SLC24A2: variants seen among roughly 807,000 people sequenced by gnomAD.
SLC24A2 encodes solute carrier family 24 member 2, also known as sodium/potassium/calcium exchanger 2.
SLC24A2 carries 36 observed loss-of-function variants against 62.0 expected under a neutral mutation model. The observed-to-expected ratio is 0.58, with a 90% confidence interval of 0.44 to 0.77. The LOEUF (loss-of-function observed/expected upper bound fraction) is 0.77, where lower values mean the gene tolerates loss of function less well. Ranked by LOEUF, SLC24A2 falls within the 30% of genes least tolerant of loss-of-function variation. The probability of loss-of-function intolerance (pLI) is 0.00; values close to 1 mark genes in which losing one functional copy is unlikely to be tolerated. For synonymous variants in SLC24A2, 358 were observed against 294.0 expected (o/e 1.22, Z -2.23); for missense variants, 846 against 817.9 (o/e 1.03, Z -0.42).
At chr9:20,076,828 T>C in the SLC24A2 span, among the ~76,000 whole-genome samples, 1 of 141,078 alleles carries the variant, frequency 7.1e-6, no homozygotes, top group Non-Finnish European at 1.5e-5. Context: ...GGCACACTGA[T>C]AAGAAAATGT....
At chr9:20,039,071 G>A in the SLC24A2 span, among the ~76,000 whole-genome samples, 4 of 152,162 alleles carry the variant, frequency 2.6e-5, no homozygotes, top group Non-Finnish European at 5.9e-5. Flanking sequence ...AAAAAGGTGT[G>A]GGTGAAGGAG....
intron 7 of SLC24A2, among the ~76,000 whole-genome samples, chr9:19,562,323 G>C (rs868745270): frequency 2.6e-5 from 4 of 152,248 alleles, no homozygotes; most frequent in Middle Eastern, 6.8e-3. Context: ...TTTCTTTCCA[G>C]AGTGGTAATG....
chr9:19,964,691 C>T, the SLC24A2 span, among the ~76,000 whole-genome samples: 1 of 152,242 alleles, frequency 6.6e-6, no homozygotes, highest in African/African-American at 2.4e-5. Flanking sequence ...AGATTCCCAC[C>T]CAAGGAGAAG....
At chr9:20,011,583 T>C in the SLC24A2 span, among the ~76,000 whole-genome samples, 7 of 152,082 alleles carry the variant, frequency 4.6e-5, no homozygotes, top group South Asian at 2.1e-4. Flanking sequence ...TCAAGAAAAC[T>C]AACATTTGTG....
the SLC24A2 span, among the ~76,000 whole-genome samples, chr9:20,299,504 AG>A: frequency 6.6e-6 from 1 of 152,162 alleles, no homozygotes; most frequent in African/African-American, 2.4e-5. Flanking sequence ...CACTCCCTTG[AG>A]GGGGCTCCAA....
chr9:20,117,517 A>G, the SLC24A2 span, among the ~76,000 whole-genome samples: 2 of 152,132 alleles, frequency 1.3e-5, no homozygotes, highest in African/African-American at 4.8e-5. Context: ...GAGGAAGAAA[A>G]TTCACCTTTT....
chr9:19,963,319 G>T, the SLC24A2 span, among the ~76,000 whole-genome samples: 5 of 151,238 alleles, frequency 3.3e-5, no homozygotes, highest in South Asian at 4.2e-4. Flanking sequence ...TAAGGACGTC[G>T]TGTCTAAAAC....
At chr9:20,103,646 T>C in the SLC24A2 span, among the ~76,000 whole-genome samples, 1 of 152,096 alleles carries the variant, frequency 6.6e-6, no homozygotes, top group African/African-American at 2.4e-5. Context: ...GTCCTGTCTG[T>C]TAGAAGGAAA....
At chr9:19,706,483 C>G (rs895057717) in intron 2 of SLC24A2, among the ~76,000 whole-genome samples, 17 of 151,700 alleles carry the variant, frequency 1.1e-4, no homozygotes, top group African/African-American at 4.1e-4. Flanking sequence ...GGGTTCACGC[C>G]ATTCTCCTGC....
chr9:19,861,902 A>G, the SLC24A2 span, among the ~76,000 whole-genome samples: 2 of 152,154 alleles, frequency 1.3e-5, no homozygotes, highest in African/African-American at 4.8e-5. Flanking sequence ...CAGAGGAAAC[A>G]AAAGAAAAAA....
chr9:20,281,677 G>A, the SLC24A2 span, among the ~76,000 whole-genome samples: 1 of 152,256 alleles, frequency 6.6e-6, no homozygotes, highest in African/African-American at 2.4e-5. Context: ...TTGTTGTATA[G>A]TATTTGATTT....
At chr9:19,959,396 A>G in the SLC24A2 span, among the ~76,000 whole-genome samples, 2 of 152,360 alleles carry the variant, frequency 1.3e-5, no homozygotes, top group South Asian at 4.1e-4. Flanking sequence ...GAGCTTATGT[A>G]TAAGAGTCAA....
intron 2 of SLC24A2, among the ~76,000 whole-genome samples, chr9:19,650,670 A>C (rs1818773860): frequency 1.3e-5 from 2 of 152,188 alleles, no homozygotes; most frequent in African/African-American, 4.8e-5. Flanking sequence ...GGAGTGGATC[A>C]ATTTTTCACA....
chr9:20,270,878 A>C, the SLC24A2 span, among the ~76,000 whole-genome samples: 1 of 152,342 alleles, frequency 6.6e-6, no homozygotes, highest in East Asian at 1.9e-4. Flanking sequence ...GAATTCTACT[A>C]TTCCTGCCTA....
chr9:20,032,728 C>T, the SLC24A2 span, among the ~76,000 whole-genome samples: 1 of 152,096 alleles, frequency 6.6e-6, no homozygotes, highest in African/African-American at 2.4e-5. Context: ...GCATTTTGCC[C>T]TTAGAGTTTC....
chr9:20,079,622 A>C, the SLC24A2 span, among the ~76,000 whole-genome samples: 1 of 152,210 alleles, frequency 6.6e-6, no homozygotes, highest in Non-Finnish European at 1.5e-5. Context: ...AGCAGTATAC[A>C]TATATCTTCA....
chr9:19,779,811 G>A (rs1021819455), intron 2 of SLC24A2, among the ~76,000 whole-genome samples: 1 of 152,218 alleles, frequency 6.6e-6, no homozygotes, highest in Non-Finnish European at 1.5e-5. Context: ...TGTAATCCGA[G>A]CATTTTGGGA....
At chr9:19,601,056 G>A (rs1587016660) in intron 4 of SLC24A2, among the ~76,000 whole-genome samples, 1 of 152,052 alleles carries the variant, frequency 6.6e-6, no homozygotes, top group Non-Finnish European at 1.5e-5. Flanking sequence ...TCAGCACTCT[G>A]TAGCTCCATT....
the SLC24A2 span, among the ~76,000 whole-genome samples, chr9:20,181,027 T>C: frequency 3.3e-5 from 5 of 152,124 alleles, no homozygotes; most frequent in Non-Finnish European, 7.3e-5. Flanking sequence ...TCAGCACATG[T>C]TCATGTCAAA....
Sources: allele counts gnomAD v4.1 joint callset (sites outside exome capture counted in the v4.1 genomes callset), GRCh38; gene constraint gnomAD v4.1.1; transcripts MANE v1.5; gene names NCBI Gene and HGNC (gene_info 2026-07-23, HGNC 2026-07-21).